Variants in EYA1 observed in about 807,000 individuals in gnomAD.
EYA1 encodes the protein protein phosphatase EYA1.
EYA1 carries 16 observed loss-of-function variants against 82.0 expected under a neutral mutation model. The ratio of observed to expected loss-of-function variants is 0.20; its 90% CI spans 0.13 to 0.30. EYA1 has a LOEUF of 0.30. Ranked by LOEUF, EYA1 falls within the 10% of genes least tolerant of loss-of-function variation. EYA1 has a pLI of 1.00. For synonymous variants in EYA1, 261 were observed against 264.4 expected (o/e 0.99, Z 0.12); for missense variants, 633 against 730.7 (o/e 0.87, Z 1.54).
At chr8:71,223,566 G>A (rs1404931507) in intron 12 of EYA1, among the ~76,000 whole-genome samples, 1 of 152,236 alleles carries the variant, frequency 6.6e-6, no homozygotes, top group Non-Finnish European at 1.5e-5. Context: ...TCCCAGTTCT[G>A]GTGTAGGTAT....
chr8:71,487,384 T>C (rs1414679602), intron 2 of EYA1, among the ~76,000 whole-genome samples: 2 of 152,100 alleles, frequency 1.3e-5, no homozygotes, highest in Non-Finnish European at 2.9e-5. Context: ...CCCAAACCAG[T>C]CTACAAAGAT....
intron 7 of EYA1, among the ~76,000 whole-genome samples, chr8:71,308,330 C>A (rs1290690685): frequency 6.6e-6 from 1 of 152,088 alleles, no homozygotes; most frequent in Non-Finnish European, 1.5e-5. Context: ...ATTGTAACTC[C>A]GTTTTAGGCT....
At chr8:71,439,934 A>G (rs1209084741) in intron 2 of EYA1, among the ~76,000 whole-genome samples, 1 of 152,150 alleles carries the variant, frequency 6.6e-6, no homozygotes, top group Non-Finnish European at 1.5e-5. Flanking sequence ...CCTGGCATAT[A>G]TTAAATGCTC....
intron 1 of EYA1, among the ~76,000 whole-genome samples, chr8:71,358,941 C>A (rs992408529): frequency 4.6e-5 from 7 of 152,022 alleles, no homozygotes; most frequent in Non-Finnish European, 1.5e-5. Context: ...TGCTTTACAC[C>A]CATAAACTTA....
intron 2 of EYA1, among the ~76,000 whole-genome samples, chr8:71,508,751 C>T (rs1001789802): frequency 2.0e-5 from 3 of 152,130 alleles, no homozygotes; most frequent in African/African-American, 4.8e-5. Flanking sequence ...ACCTCCAGAA[C>T]TGTGAGAAAC....
chr8:71,367,372 T>C (rs1220383007), intron 2 of EYA1, among the ~76,000 whole-genome samples: 2 of 152,134 alleles, frequency 1.3e-5, no homozygotes, highest in African/African-American at 2.4e-5. Context: ...AAAAGTGCAC[T>C]TCACATTTCC....
intron 2 of EYA1, among the ~76,000 whole-genome samples, chr8:71,455,745 T>C (rs1387952506): frequency 6.6e-6 from 1 of 152,200 alleles, no homozygotes; most frequent in Non-Finnish European, 1.5e-5. Context: ...TCAGTATTGA[T>C]GGGATGGATC....
intron 7 of EYA1, among the ~76,000 whole-genome samples, chr8:71,313,526 T>G (rs76248556): frequency 0.019 from 2,933 of 152,236 alleles, 179 homozygotes; most frequent in East Asian, 0.14. Context: ...AGCAGTAAAA[T>G]TGACAACAAT....
At chr8:71,322,324 T>C (rs1453584159) in intron 4 of EYA1, 56 bp from the exon 5 acceptor site, 1 of 1,436,664 alleles carries the variant, frequency 7.0e-7, no homozygotes. Context: ...AAACACAAAA[T>C]ATATAGAAAG....
rs1258459253 is a variant in EYA1 at position 71,244,735 on chromosome 8, GTTAC to G, written c.1051-47_1051-44del. The G allele has an allele frequency of 4.3e-6, 5 of 1,165,534 alleles. No homozygotes were observed. In the East Asian group the frequency reaches 1.2e-4, roughly 28 times the overall value. The allele number at this position is 1,165,534 out of a possible 1,614,324, so 72.2% of individuals were successfully genotyped here. On this transcript the variant is annotated intron_variant, in intron 11 of 17. Coordinates refer to ENST00000340726, the MANE Select transcript of EYA1 (RefSeq NM_000503.6). ...CAGGTGAAGAACATGTATACTTCAG[GTTAC>G]ATGAAAGAGAGTGTCTCATTAAGAG... is the stretch of plus-strand genomic sequence containing the variant.
At chr8:71,221,346 C>A (rs1809888956) in intron 12 of EYA1, among the ~76,000 whole-genome samples, 1 of 152,008 alleles carries the variant, frequency 6.6e-6, no homozygotes, top group Non-Finnish European at 1.5e-5. Flanking sequence ...ACAAAGGAAC[C>A]CCGGGGGCTT....
intron 2 of EYA1, among the ~76,000 whole-genome samples, chr8:71,499,905 T>C (rs1352841461): frequency 6.6e-6 from 1 of 152,196 alleles, no homozygotes; most frequent in Non-Finnish European, 1.5e-5. Context: ...ATGTTGGCAA[T>C]TATTTTATAA....
intron 2 of EYA1, among the ~76,000 whole-genome samples, chr8:71,411,834 A>G (rs1023392843): frequency 1.0e-4 from 15 of 146,924 alleles, no homozygotes; most frequent in Non-Finnish European, 1.6e-4. Context: ...TTCCTCAGGG[A>G]TCTAGAACTA....
chr8:71,326,694 A>C (rs1256185530), intron 4 of EYA1, among the ~76,000 whole-genome samples: 1 of 151,898 alleles, frequency 6.6e-6, no homozygotes, highest in Non-Finnish European at 1.5e-5. Flanking sequence ...CACCTAACTT[A>C]ACCTCCCTTC....
At chr8:71,246,909 C>T (rs1245598373) in intron 11 of EYA1, among the ~76,000 whole-genome samples, 1 of 151,734 alleles carries the variant, frequency 6.6e-6, no homozygotes, top group East Asian at 1.9e-4. Context: ...CTAGCACTGC[C>T]CACACCCCTC....
At chr8:71,523,559 T>C (rs984656894) in intron 2 of EYA1, among the ~76,000 whole-genome samples, 3 of 152,128 alleles carry the variant, frequency 2.0e-5, no homozygotes, top group African/African-American at 4.8e-5. Context: ...ATCACCTTTG[T>C]CCTAAAAAGT....
intron 2 of EYA1, among the ~76,000 whole-genome samples, chr8:71,371,296 G>A (rs563312695): frequency 7.2e-5 from 11 of 152,222 alleles, no homozygotes; most frequent in Admixed American, 1.3e-4. Context: ...AAACACTCAC[G>A]CTAAATGCTG....
intron 2 of EYA1, among the ~76,000 whole-genome samples, chr8:71,396,212 A>G (rs1274699394): frequency 6.6e-6 from 1 of 151,790 alleles, no homozygotes; most frequent in East Asian, 1.9e-4. Flanking sequence ...CTAGCGGTCT[A>G]TTAATTTTGT....
At chr8:71,222,009 A>C (rs955245779) in intron 12 of EYA1, among the ~76,000 whole-genome samples, 4 of 152,224 alleles carry the variant, frequency 2.6e-5, no homozygotes, top group African/African-American at 9.6e-5. Context: ...CCTAGGATCA[A>C]GGTTAAACAC....
Sources: gnomAD v4.1 joint callset for allele counts (sites outside exome capture counted in the v4.1 genomes callset) on GRCh38, gnomAD v4.1.1 for gene constraint, MANE v1.5 for transcripts, NCBI Gene and HGNC (gene_info 2026-07-23, HGNC 2026-07-21) for gene names.